The following LRCH1 variants were observed in gnomAD, a reference collection of about 807,000 sequenced individuals.
LRCH1 encodes leucine rich repeats and calponin homology domain containing 1, also known as leucine-rich repeat and calponin homology domain-containing protein 1.
Under a neutral mutation model 94.9 loss-of-function variants are expected in LRCH1, and 23 were observed. The ratio of observed to expected loss-of-function variants is 0.24; its 90% confidence interval spans 0.17 to 0.34. The LOEUF (loss-of-function observed/expected upper bound fraction) is 0.34, where lower values mean the gene tolerates loss of function less well. Among genes scored for constraint, LRCH1 ranks in the 10% least tolerant of loss-of-function variants. The probability of loss-of-function intolerance (pLI) is 1.00; values close to 1 mark genes in which losing one functional copy is unlikely to be tolerated. For missense variants in LRCH1, 790 were observed against 945.9 expected, an observed-to-expected ratio of 0.84 and a Z score of 2.16; for synonymous variants, 364 against 354.9, an observed-to-expected ratio of 1.03 and a Z score of -0.29.
In LRCH1 at chr13:46,711,806, A is replaced by G; in HGVS notation, c.1543A>G (p.Thr515Ala). The change falls in exon 14 of 20, where the codon ACA becomes GCA. Residue 515 changes from threonine to alanine, a missense_variant. Transcript: ENST00000389797. ...CTTTTTTAAGGTGCAAAGTGATCTA[A>G]CATTACAGAGTAACGGGAGCCAGTA... ...SPVCEVQSDL[T>A]LQSNGSQYSP... 6.2e-7 allele frequency: 1 copy of G among 1,613,326 alleles called. No individual in the cohort carries two copies. The highest frequency in any genetic ancestry group is 1.3e-5 in the African/African-American group (1 of 75,022).
At chr13:46,589,117 G>A (rs887508300) in intron 1 of LRCH1, among the ~76,000 whole-genome samples, 13 of 151,642 alleles carry the variant, frequency 8.6e-5, no homozygotes, top group Middle Eastern at 3.4e-3. Context: ...GCTCACTGCA[G>A]CCTCGAACTT....
chr13:46,641,757 T>G (rs1334386274), intron 1 of LRCH1, among the ~76,000 whole-genome samples: 4 of 152,182 alleles, frequency 2.6e-5, no homozygotes, highest in African/African-American at 9.7e-5. Flanking sequence ...CTTTCCTTTT[T>G]CATACAAAAA....
At chr13:46,678,327 G>T (rs976546253) in intron 3 of LRCH1, among the ~76,000 whole-genome samples, 1 of 152,120 alleles carries the variant, frequency 6.6e-6, no homozygotes, top group East Asian at 1.9e-4. Context: ...GACCCATGGG[G>T]TTTTATTTTT....
chr13:46,559,329 G>A (rs1157779403), intron 1 of LRCH1, among the ~76,000 whole-genome samples: 2 of 152,042 alleles, frequency 1.3e-5, no homozygotes, highest in African/African-American at 4.8e-5. Flanking sequence ...TTTTTGTGGT[G>A]GTTACTATCA....
At chr13:46,631,765 A>G (rs1255568212) in intron 1 of LRCH1, among the ~76,000 whole-genome samples, 8 of 152,108 alleles carry the variant, frequency 5.3e-5, no homozygotes, top group Admixed American at 4.6e-4. Context: ...TTTAATTTAG[A>G]TGTACAATTC....
intron 19 of LRCH1, among the ~76,000 whole-genome samples, chr13:46,738,873 C>T (rs1279711433): frequency 6.6e-6 from 1 of 152,156 alleles, no homozygotes; most frequent in African/African-American, 2.4e-5. Flanking sequence ...TCTCTAAGTT[C>T]ATAAAATTGG....
intron 19 of LRCH1, among the ~76,000 whole-genome samples, chr13:46,741,202 TAA>T (rs886256130): frequency 6.6e-5 from 10 of 152,170 alleles, no homozygotes; most frequent in African/African-American, 2.4e-4. Flanking sequence ...TAGACCAGGG[TAA>T]AAAATGCACT....
At chr13:46,686,697 A>G (rs1258245574) in intron 5 of LRCH1, among the ~76,000 whole-genome samples, 5 of 152,110 alleles carry the variant, frequency 3.3e-5, no homozygotes, top group African/African-American at 9.7e-5. Flanking sequence ...CTGATTCCCA[A>G]TGCTATCAAT....
downstream of LRCH1, chr13:46,745,025 C>A: frequency 1.7e-6 from 1 of 586,184 alleles, no homozygotes; most frequent in Non-Finnish European, 2.1e-6. Context: ...CTCTGCAAGG[C>A]CCTGGGGATA....
intron 2 of LRCH1, among the ~76,000 whole-genome samples, chr13:46,654,292 C>A (rs750664941): frequency 6.6e-6 from 1 of 152,330 alleles, no homozygotes; most frequent in South Asian, 2.1e-4. Context: ...GTGATGACAA[C>A]GTGATGTCTC....
chr13:46,661,032 A>T (rs909189941), intron 2 of LRCH1, among the ~76,000 whole-genome samples: 1 of 152,068 alleles, frequency 6.6e-6, no homozygotes, highest in Non-Finnish European at 1.5e-5. Flanking sequence ...CCTTTCCTCC[A>T]TTCATTTTTA....
At position 46,744,293 on chromosome 13, in the gene LRCH1, C is replaced by G. The variant is rs1306948562; in HGVS notation, c.*2445C>G. On this transcript the variant is annotated 3_prime_UTR_variant, in exon 20 of 20. Coordinates refer to ENST00000389797, the MANE Select transcript of LRCH1 (RefSeq NM_001164211.2). ...CCAAATCTCCTCCTCACAAGAAAGA[C>G]CGTTTTTTCAGTACTCCCTTCCAAT... 1 of 977,830 alleles carries G rather than the reference C, an allele frequency of 1.0e-6. No homozygotes were observed. The highest frequency in any genetic ancestry group is 2.0e-5 in the African/African-American group (1 of 50,672). The allele number at this position is 977,830 out of a possible 1,614,324, so 60.6% of individuals were successfully genotyped here.
At position 46,684,645 on chromosome 13, in the gene LRCH1, C is replaced by T. The variant is rs113228673; in HGVS notation, c.686-1260C>T. Reference sequence around the variant, plus strand: ...ATGGAATCTTCATAATTCTTATCATCTTACAAACAAGCTGTGAGGTGAAAG... The same window carrying T: ...ATGGAATCTTCATAATTCTTATCATTTTACAAACAAGCTGTGAGGTGAAAG... On this transcript the variant is annotated intron_variant, in intron 4 of 19. Transcript: ENST00000389797. 5.6e-4 allele frequency among the ~76,000 whole-genome samples: 86 copies of T among 152,278 alleles called. 1 individual carries two copies. Among genetic ancestry groups the T allele is most frequent in the African/African-American group, 1.9e-3 (80 of 41,558 alleles).
intron 4 of LRCH1, among the ~76,000 whole-genome samples, chr13:46,685,188 T>G (rs1220609148): frequency 6.6e-6 from 1 of 152,234 alleles, no homozygotes; most frequent in Non-Finnish European, 1.5e-5. Context: ...CCAGCCTCTC[T>G]GCTCTATGGA....
intron 1 of LRCH1, among the ~76,000 whole-genome samples, chr13:46,633,975 G>T (rs1477459189): frequency 4.0e-5 from 6 of 151,754 alleles, no homozygotes; most frequent in African/African-American, 1.2e-4. Context: ...CATCTCCCGG[G>T]TTCAAGCGAT....
At chr13:46,628,357 A>T (rs938495830) in intron 1 of LRCH1, among the ~76,000 whole-genome samples, 1 of 152,002 alleles carries the variant, frequency 6.6e-6, no homozygotes, top group East Asian at 1.9e-4. Context: ...CACAAGGCCA[A>T]CCGGGCATGG....
chr13:46,648,978 G>A (rs896909109), intron 1 of LRCH1, among the ~76,000 whole-genome samples: 1 of 152,106 alleles, frequency 6.6e-6, no homozygotes, highest in African/African-American at 2.4e-5. Context: ...TGTTCTCTAT[G>A]AACCCATAAA....
chr13:46,642,449 G>A (rs928461480), intron 1 of LRCH1, among the ~76,000 whole-genome samples: 1 of 152,146 alleles, frequency 6.6e-6, no homozygotes, highest in African/African-American at 2.4e-5. Flanking sequence ...CACGTGATTG[G>A]GAATTGTAAC....
chr13:46,658,301 G>A (rs1238572459), intron 2 of LRCH1, among the ~76,000 whole-genome samples: 1 of 151,874 alleles, frequency 6.6e-6, no homozygotes, highest in Non-Finnish European at 1.5e-5. Flanking sequence ...TGGATATTTT[G>A]CTCATTGATT....
Sources: gnomAD v4.1 joint callset for allele counts (sites outside exome capture counted in the v4.1 genomes callset) on GRCh38, gnomAD v4.1.1 for gene constraint, MANE v1.5 for transcripts, NCBI Gene and HGNC (gene_info 2026-07-23, HGNC 2026-07-21) for gene names.